The following STXBP5L variants were observed in gnomAD, a reference collection of about 807,000 sequenced individuals.
The protein encoded by STXBP5L is syntaxin binding protein 5L.
STXBP5L carries 65 observed loss-of-function variants against 144.5 expected under a neutral mutation model. That is an observed-to-expected ratio of 0.45 (90% CI 0.37 to 0.55). STXBP5L has a LOEUF of 0.55. Ranked by LOEUF, STXBP5L falls within the 20% of genes least tolerant of loss-of-function variation. The pLI, the probability that STXBP5L is intolerant of heterozygous loss-of-function variation, is 0.00. For synonymous variants in STXBP5L, 505 were observed against 469.6 expected, an observed-to-expected ratio of 1.08 and a Z score of -0.97; for missense variants, 1,298 against 1,405.5, an observed-to-expected ratio of 0.92 and a Z score of 1.22.
chr3:120,995,295 G>T (rs1350082126), intron 3 of STXBP5L, among the ~76,000 whole-genome samples: 1 of 151,954 alleles, frequency 6.6e-6, no homozygotes, highest in South Asian at 2.1e-4. Flanking sequence ...TCGCAGGAGT[G>T]TTCCACCATG....
At chr3:121,364,483 A>C (rs933604009) in intron 20 of STXBP5L, among the ~76,000 whole-genome samples, 2 of 111,178 alleles carry the variant, frequency 1.8e-5, no homozygotes, top group Admixed American at 2.2e-4. Flanking sequence ...CTATATCTGC[A>C]AAAAAAAAAA....
chr3:121,216,694 T>C (rs987319948), intron 10 of STXBP5L, among the ~76,000 whole-genome samples: 1 of 152,216 alleles, frequency 6.6e-6, no homozygotes, highest in Non-Finnish European at 1.5e-5. Flanking sequence ...GTCTGTCCCT[T>C]AGCAGAGCTC....
At chr3:121,240,678 A>G (rs998308071) in intron 14 of STXBP5L, among the ~76,000 whole-genome samples, 171 bp downstream of exon 14, 2 of 152,210 alleles carry the variant, frequency 1.3e-5, no homozygotes, top group Non-Finnish European at 2.9e-5. Context: ...ATATAATCAA[A>G]CCATTGGAAA....
chr3:121,176,273 A>T (rs1352263894), intron 9 of STXBP5L, among the ~76,000 whole-genome samples: 1 of 152,018 alleles, frequency 6.6e-6, no homozygotes, highest in East Asian at 1.9e-4. Flanking sequence ...TGGAAATGGG[A>T]CACTAATCCA....
At chr3:121,174,452 A>G (rs1222599558) in intron 9 of STXBP5L, among the ~76,000 whole-genome samples, 1 of 152,112 alleles carries the variant, frequency 6.6e-6, no homozygotes, top group Non-Finnish European at 1.5e-5. Flanking sequence ...CTTATAGAAA[A>G]AAGTTTGTGC....
In STXBP5L at chr3:121,407,257, T is replaced by A; in HGVS notation, c.2602T>A (p.Leu868Met). The change falls in exon 23 of 27, where the codon TTG (leucine) becomes ATG (methionine). Residue 868 changes from leucine (L) to methionine (M), a missense_variant. Coordinates refer to ENST00000471454, the MANE Select transcript of STXBP5L (RefSeq NM_001308330.2). ...TGTTTTTATAGGTACATTCCTCTCATTGAAAGGAGCTGTGCTAACATTCTC... is the reference window on the plus strand; with the variant it reads ...TGTTTTTATAGGTACATTCCTCTCAATGAAAGGAGCTGTGCTAACATTCTC... ...MVLPSGTFLSLKGAVLTFSCM... is the reference protein window; with the variant it reads ...MVLPSGTFLSMKGAVLTFSCM... 1 of 1,565,528 alleles carries A rather than the reference T, an allele frequency of 6.4e-7. No individual in the cohort carries two copies. The highest frequency in any genetic ancestry group is 8.6e-7 in the Non-Finnish European group (1 of 1,158,408).
chr3:121,060,441 G>T (rs915963009), intron 5 of STXBP5L, among the ~76,000 whole-genome samples: 2 of 152,000 alleles, frequency 1.3e-5, no homozygotes, highest in East Asian at 1.9e-4. Flanking sequence ...TTCCTTGTTT[G>T]TTGTGTCTCT....
chr3:121,298,049 C>A (rs557247879), intron 19 of STXBP5L, among the ~76,000 whole-genome samples: 6 of 152,176 alleles, frequency 3.9e-5, no homozygotes, highest in African/African-American at 1.4e-4. Flanking sequence ...TTTTGATGAA[C>A]CTCATTGCTG....
At chr3:120,928,478 C>T (rs890496423) in intron 2 of STXBP5L, among the ~76,000 whole-genome samples, 1 of 152,062 alleles carries the variant, frequency 6.6e-6, no homozygotes, top group Admixed American at 6.6e-5. Flanking sequence ...GGCCAGGCTG[C>T]TCTCGAACTC....
rs539509860 is a variant in STXBP5L, at chr3:120,912,000, A to G, written c.189+2233A>G. On this transcript the variant is annotated intron_variant, in intron 2 of 26. Transcript: ENST00000471454. ...TATTCTGGGTGCTTCTACCTTTTCA[A>G]CATGGGCAAAACTAAAGTATAAATC... 2.6e-5 allele frequency among the ~76,000 whole-genome samples: 4 copies of G among 152,086 alleles called. No homozygotes were observed. In the South Asian group the frequency reaches 8.3e-4, roughly 32 times the overall value.
At chr3:121,354,322 CT>C (rs2045418818) in intron 20 of STXBP5L, among the ~76,000 whole-genome samples, 1 of 152,078 alleles carries the variant, frequency 6.6e-6, no homozygotes, top group African/African-American at 2.4e-5. Flanking sequence ...GCCTAAGTCT[CT>C]TTGTATATCT....
intron 3 of STXBP5L, among the ~76,000 whole-genome samples, chr3:121,028,908 G>A (rs1442814118): frequency 2.0e-5 from 3 of 151,654 alleles, no homozygotes; most frequent in Non-Finnish European, 4.4e-5. Context: ...ATTAGAAAGG[G>A]AGTTTATTCT....
At chr3:121,045,648 T>C (rs1253427260) in intron 5 of STXBP5L, 113 bp downstream of exon 5, 8 of 930,878 alleles carry the variant, frequency 8.6e-6, no homozygotes, top group African/African-American at 1.7e-5. Context: ...CTAGAAATAA[T>C]TTAATGTTTA....
chr3:121,334,895 C>T (rs183731919), intron 20 of STXBP5L, among the ~76,000 whole-genome samples: 1 of 152,266 alleles, frequency 6.6e-6, no homozygotes, highest in East Asian at 1.9e-4. Flanking sequence ...CCCTTGAAAA[C>T]TGGCACAAGT....
chr3:121,222,894 T>C (rs1323323563), intron 10 of STXBP5L, 109 bp from the exon 11 acceptor site: 3 of 1,244,296 alleles, frequency 2.4e-6, no homozygotes, highest in Non-Finnish European at 3.2e-6. Context: ...TTTTGCTGTC[T>C]GTCATGTTAT....
intron 3 of STXBP5L, among the ~76,000 whole-genome samples, chr3:120,967,555 A>G (rs1036477786): frequency 6.6e-6 from 1 of 152,182 alleles, no homozygotes; most frequent in Non-Finnish European, 1.5e-5. Context: ...TTTTCAAAAC[A>G]TCATTTTTAT....
At chr3:121,366,129 T>C (rs2045858228) in intron 20 of STXBP5L, among the ~76,000 whole-genome samples, 1 of 152,042 alleles carries the variant, frequency 6.6e-6, no homozygotes, top group African/African-American at 2.4e-5. Flanking sequence ...GAAGACACTT[T>C]GTATGGCATC....
chr3:120,977,575 G>C, intron 3 of STXBP5L, among the ~76,000 whole-genome samples: 1 of 152,218 alleles, frequency 6.6e-6, no homozygotes, highest in East Asian at 1.9e-4. Flanking sequence ...GTGTGAATTT[G>C]ATCCTGTCAT....
At chr3:121,356,523 T>G (rs529500840) in intron 20 of STXBP5L, among the ~76,000 whole-genome samples, 1 of 152,384 alleles carries the variant, frequency 6.6e-6, no homozygotes, top group South Asian at 2.1e-4. Context: ...TCTCCTTGTC[T>G]GCCCATTGCT....
Sources: gnomAD v4.1 joint callset for allele counts (sites outside exome capture counted in the v4.1 genomes callset) on GRCh38, gnomAD v4.1.1 for gene constraint, MANE v1.5 for transcripts, NCBI Gene and HGNC (gene_info 2026-07-23, HGNC 2026-07-21) for gene names.